Variants in TTC27 observed in about 807,000 individuals in gnomAD.
The protein encoded by TTC27 is tetratricopeptide repeat protein 27.
In TTC27, 79 loss-of-function variants were observed where a neutral mutation model predicts 115.9. That is an observed-to-expected ratio of 0.68 (90% CI 0.57 to 0.82). The LOEUF is 0.82. TTC27 is among the 40% of genes least tolerant of loss of function. TTC27 has a pLI of 0.00. For synonymous variants in TTC27, 401 were observed against 356.0 expected, an observed-to-expected ratio of 1.13 and a Z score of -1.42; for missense variants, 1,054 against 993.1, an observed-to-expected ratio of 1.06 and a Z score of -0.82.
intron 5 of TTC27, among the ~76,000 whole-genome samples, chr2:32,654,075 G>T (rs1416929664): frequency 2.0e-5 from 3 of 152,054 alleles, no homozygotes; most frequent in Non-Finnish European, 4.4e-5. Flanking sequence ...GAAATCTTTA[G>T]TTTGGAAAGG....
At chr2:32,770,747 T>G (rs1669801980) in intron 13 of TTC27, among the ~76,000 whole-genome samples, 2 of 152,206 alleles carry the variant, frequency 1.3e-5, no homozygotes, top group Admixed American at 1.3e-4. Context: ...TACATGCTGC[T>G]CTTCCTTGAT....
At chr2:32,773,570 C>G (rs931896454) in intron 13 of TTC27, among the ~76,000 whole-genome samples, 4 of 152,216 alleles carry the variant, frequency 2.6e-5, no homozygotes, top group Non-Finnish European at 5.9e-5. Context: ...TTTGGAGTCA[C>G]ACTGACTGTG....
intron 16 of TTC27, among the ~76,000 whole-genome samples, chr2:32,800,467 C>T (rs892306870): frequency 2.0e-5 from 3 of 151,764 alleles, no homozygotes; most frequent in Non-Finnish European, 4.4e-5. Flanking sequence ...AGGCGTGAGC[C>T]ACTGCACCTG....
chr2:32,759,476 T>G (rs11902892), intron 13 of TTC27, among the ~76,000 whole-genome samples: 114,299 of 152,022 alleles, frequency 0.75, 43,025 homozygotes, highest in Middle Eastern at 0.81. Flanking sequence ...TACAGTTCAG[T>G]GCCAGGCATG....
At chr2:32,772,734 A>G (rs1225338370) in intron 13 of TTC27, among the ~76,000 whole-genome samples, 2 of 152,230 alleles carry the variant, frequency 1.3e-5, no homozygotes, top group East Asian at 3.8e-4. Flanking sequence ...TGGATTTATC[A>G]GAACATAACC....
chr2:32,814,623 A>G (rs1037626), intron 18 of TTC27, among the ~76,000 whole-genome samples: 31,168 of 152,182 alleles, frequency 0.2, 3,286 homozygotes, highest in Admixed American at 0.26. Context: ...GGACCCACAT[A>G]TATGACAGTG....
intron 12 of TTC27, among the ~76,000 whole-genome samples, chr2:32,744,341 G>A (rs1423238565): frequency 6.6e-6 from 1 of 152,166 alleles, no homozygotes; most frequent in Non-Finnish European, 1.5e-5. Context: ...GAAAAATTTA[G>A]TTTTGATCTT....
chr2:32,651,355 A>G (rs1665118163), intron 5 of TTC27, among the ~76,000 whole-genome samples: 1 of 152,028 alleles, frequency 6.6e-6, no homozygotes, highest in East Asian at 1.9e-4. Context: ...TTCCTTCAAG[A>G]GTTATTTTTG....
At chr2:32,802,141 A>T (rs1572627880) in intron 16 of TTC27, among the ~76,000 whole-genome samples, 1 of 152,086 alleles carries the variant, frequency 6.6e-6, no homozygotes, top group South Asian at 2.1e-4. Context: ...GAGATTAAAG[A>T]ATTATCTTTG....
intron 4 of TTC27, among the ~76,000 whole-genome samples, chr2:32,645,938 T>G (rs1664838678): frequency 6.6e-6 from 1 of 152,002 alleles, no homozygotes; most frequent in South Asian, 2.1e-4. Flanking sequence ...CAGGCTGGTC[T>G]CGAACTCCTG....
chr2:32,729,122 C>G (rs1437282006), intron 10 of TTC27, among the ~76,000 whole-genome samples: 11 of 152,106 alleles, frequency 7.2e-5, no homozygotes, highest in Admixed American at 7.2e-4. Flanking sequence ...TTCAAAAAGC[C>G]AATGAACACG....
Position 32,680,277 on chromosome 2 carries a change from A to G in TTC27, c.1119+1355A>G, listed in dbSNP as rs1334819016. ...TGTTAACAAATTTTAAAGGGCATAT[A>G]AAAAACATATTATGTACTTTTCATT... On this transcript the variant is annotated intron_variant, in intron 9 of 19. Coordinates refer to ENST00000317907, the MANE Select transcript of TTC27 (RefSeq NM_017735.5). 2.0e-5 allele frequency among the ~76,000 whole-genome samples: 3 copies of G among 152,136 alleles called. No individual in the cohort carries two copies. In the South Asian group the frequency reaches 6.2e-4, roughly 32 times the overall value.
intron 13 of TTC27, among the ~76,000 whole-genome samples, chr2:32,768,050 A>G (rs897779266): frequency 6.6e-6 from 1 of 152,226 alleles, no homozygotes; most frequent in Non-Finnish European, 1.5e-5. Flanking sequence ...AATATCAATG[A>G]CATGGTATTA....
chr2:32,628,145 A>C lies in TTC27; in HGVS notation c.-148A>C. ...GCCGCCTCCTTGAGGTAGTATCCGC[A>C]CATGGAATTCTAGGGCCGCAGGTGT... On this transcript the variant is annotated 5_prime_UTR_variant, in exon 1 of 20. Transcript: ENST00000317907. 2.8e-6 allele frequency: 2 copies of C among 715,950 alleles called. No homozygotes were observed. The highest frequency in any genetic ancestry group is 4.7e-6 in the Non-Finnish European group (2 of 425,142). The allele number at this position is 715,950 out of a possible 1,614,324, so 44.3% of individuals were successfully genotyped here. A position where few individuals can be genotyped will look rare whatever the true frequency, so the allele number is the denominator to read the frequency against.
intron 4 of TTC27, among the ~76,000 whole-genome samples, chr2:32,649,124 A>G (rs1158260523): frequency 6.6e-6 from 1 of 152,254 alleles, no homozygotes; most frequent in Non-Finnish European, 1.5e-5. Context: ...GCCAACTTCT[A>G]GGAACAGTGT....
At chr2:32,804,803 AT>A (rs1671075779) in intron 16 of TTC27, among the ~76,000 whole-genome samples, 1 of 151,982 alleles carries the variant, frequency 6.6e-6, no homozygotes, top group Non-Finnish European at 1.5e-5. Context: ...TTAGAAAGAA[AT>A]TTATTCTAAT....
At chr2:32,774,764 C>G (rs553060108) in intron 13 of TTC27, among the ~76,000 whole-genome samples, 1 of 152,164 alleles carries the variant, frequency 6.6e-6, no homozygotes, top group Admixed American at 6.5e-5. Context: ...CTGTAGTCCC[C>G]CAAATTCTGA....
intron 13 of TTC27, among the ~76,000 whole-genome samples, chr2:32,763,319 A>G (rs1334075168): frequency 6.6e-6 from 1 of 152,226 alleles, no homozygotes; most frequent in Admixed American, 6.5e-5. Flanking sequence ...CCTATATGCT[A>G]TGTTGTCTCC....
chr2:32,728,947 T>C (rs1424095537), intron 10 of TTC27, among the ~76,000 whole-genome samples: 1 of 152,162 alleles, frequency 6.6e-6, no homozygotes, highest in Non-Finnish European at 1.5e-5. Context: ...GCTGTTTGGC[T>C]CAACTATTGG....
Sources: allele counts gnomAD v4.1 joint callset (sites outside exome capture counted in the v4.1 genomes callset), GRCh38; gene constraint gnomAD v4.1.1; transcripts MANE v1.5; gene names NCBI Gene and HGNC (gene_info 2026-07-23, HGNC 2026-07-21).